NDST3: variants seen among roughly 807,000 people sequenced by gnomAD.
NDST3 encodes the protein N-deacetylase and N-sulfotransferase 3.
Under a neutral mutation model 96.1 loss-of-function variants are expected in NDST3, and 58 were observed. The ratio of observed to expected loss-of-function variants is 0.60; its 90% CI spans 0.49 to 0.75. NDST3 has a LOEUF of 0.75. NDST3 is among the 30% of genes least tolerant of loss of function. NDST3 has a pLI of 0.00. For missense variants in NDST3, 788 were observed against 1,034.2 expected (o/e 0.76, Z 3.27); for synonymous variants, 333 against 359.7 (o/e 0.93, Z 0.84).
At chr4:118,148,849 T>C (rs868054059) in intron 6 of NDST3, among the ~76,000 whole-genome samples, 15 of 152,298 alleles carry the variant, frequency 9.8e-5, no homozygotes, top group Admixed American at 3.3e-4. Context: ...GAAAAATAAA[T>C]AAATGATAAT....
intron 12 of NDST3, among the ~76,000 whole-genome samples, chr4:118,248,658 C>G (rs1741470318): frequency 3.9e-5 from 6 of 152,182 alleles, no homozygotes; most frequent in Admixed American, 3.9e-4. Context: ...GCCTGAAGGC[C>G]TTGAAAGGAG....
At chr4:118,201,804 T>C (rs909012906) in intron 6 of NDST3, among the ~76,000 whole-genome samples, 1 of 152,138 alleles carries the variant, frequency 6.6e-6, no homozygotes, top group African/African-American at 2.4e-5. Context: ...ATCCTTTTTG[T>C]CTTGTTGTTG....
At chr4:118,072,282 T>C (rs1727143495) in intron 2 of NDST3, among the ~76,000 whole-genome samples, 1 of 152,178 alleles carries the variant, frequency 6.6e-6, no homozygotes, top group Non-Finnish European at 1.5e-5. Context: ...ATTGATAGTT[T>C]GATAGAAATA....
chr4:118,248,367 A>AG (rs992363638), intron 12 of NDST3, among the ~76,000 whole-genome samples: 3 of 150,750 alleles, frequency 2.0e-5, no homozygotes, highest in African/African-American at 7.5e-5. Flanking sequence ...AAGAAAAAAA[A>AG]AAGTCACTGT....
At chr4:118,050,874 T>C (rs1486181210) in intron 1 of NDST3, among the ~76,000 whole-genome samples, 1 of 152,106 alleles carries the variant, frequency 6.6e-6, no homozygotes, top group Non-Finnish European at 1.5e-5. Context: ...AAAACTGTTC[T>C]AAAATTCACA....
chr4:118,035,706 T>C (rs994006630), intron 1 of NDST3, among the ~76,000 whole-genome samples: 1 of 151,988 alleles, frequency 6.6e-6, no homozygotes, highest in African/African-American at 2.4e-5. Context: ...CTTTTTTTTC[T>C]TTCTCTGGTT....
At chr4:118,160,573 G>A (rs899261055) in intron 6 of NDST3, among the ~76,000 whole-genome samples, 1 of 152,058 alleles carries the variant, frequency 6.6e-6, no homozygotes, top group Non-Finnish European at 1.5e-5. Context: ...AAAAAGCTCA[G>A]TATCACTGAT....
chr4:118,188,756 C>T (rs1292904113), intron 6 of NDST3, among the ~76,000 whole-genome samples: 1 of 152,058 alleles, frequency 6.6e-6, no homozygotes, highest in African/African-American at 2.4e-5. Context: ...AACCTATATC[C>T]AAGAGTGCTT....
intron 6 of NDST3, among the ~76,000 whole-genome samples, chr4:118,173,134 A>ATG (rs35139409): frequency 0.11 from 16,885 of 148,260 alleles, 2,444 homozygotes; most frequent in African/African-American, 0.35. Context: ...AGGCATATAT[A>ATG]TGTGTGTGTG....
At chr4:118,140,322 A>T (rs1016821588) in intron 5 of NDST3, among the ~76,000 whole-genome samples, 13 of 152,206 alleles carry the variant, frequency 8.5e-5, no homozygotes, top group Non-Finnish European at 2.9e-5. Flanking sequence ...ACCTACAGGG[A>T]TCTTATTCTC....
chr4:118,072,541 G>T (rs973117597), intron 2 of NDST3, among the ~76,000 whole-genome samples: 1 of 151,982 alleles, frequency 6.6e-6, no homozygotes, highest in Non-Finnish European at 1.5e-5. Flanking sequence ...GATGTTGTTG[G>T]TGTACAGAAA....
At chr4:118,111,160 T>C (rs982823549) in intron 3 of NDST3, among the ~76,000 whole-genome samples, 22 of 152,132 alleles carry the variant, frequency 1.4e-4, no homozygotes, top group Admixed American at 1.3e-3. Flanking sequence ...CACTGGGGAC[T>C]AATGGCAGAG....
Position 118,253,508 on chromosome 4 carries a change from T to C in NDST3, c.2409T>C (p.Ser803=), listed in dbSNP as rs1369970800. The change falls in exon 13 of 14, where the codon TCT becomes TCC. Residue 803 remains serine, a synonymous_variant. Coordinates refer to ENST00000296499, the MANE Select transcript of NDST3 (RefSeq NM_004784.3). ...YNYSEALTFD[S]HKGFWCQLLE... is the part of the protein sequence containing the mutation. ...TTCTTTTTTTTTTTAGGTTTGATTC[T>C]CATAAAGGTTTCTGGTGTCAGTTAC... 6.2e-7 allele frequency: 1 copy of C among 1,603,050 alleles called. No individual in the cohort carries two copies. The highest frequency in any genetic ancestry group is 8.5e-7 in the Non-Finnish European group (1 of 1,174,246).
intron 6 of NDST3, among the ~76,000 whole-genome samples, chr4:118,159,177 G>C (rs1734920161): frequency 6.6e-6 from 1 of 152,192 alleles, no homozygotes; most frequent in Admixed American, 6.5e-5. Context: ...GGTTGCCCGA[G>C]AAACTAGTTT....
chr4:118,101,890 C>T (rs917811009), intron 2 of NDST3, among the ~76,000 whole-genome samples: 1 of 151,932 alleles, frequency 6.6e-6, no homozygotes, highest in African/African-American at 2.4e-5. Context: ...TCATTTGATG[C>T]AATATTCTGC....
At chr4:118,225,620 A>T (rs1230407514) in intron 7 of NDST3, among the ~76,000 whole-genome samples, 1 of 152,216 alleles carries the variant, frequency 6.6e-6, no homozygotes, top group Non-Finnish European at 1.5e-5. Flanking sequence ...CTAGAGTTAC[A>T]GACAGAGCTG....
chr4:118,083,874 C>G (rs1490978848), intron 2 of NDST3, among the ~76,000 whole-genome samples: 2 of 152,068 alleles, frequency 1.3e-5, no homozygotes, highest in Non-Finnish European at 2.9e-5. Context: ...AATTTTTAAC[C>G]ATTCAGTCTT....
intron 6 of NDST3, among the ~76,000 whole-genome samples, chr4:118,162,605 T>C (rs1286781026): frequency 2.0e-5 from 3 of 150,788 alleles, no homozygotes; most frequent in Non-Finnish European, 4.5e-5. Context: ...CAATTCAAGA[T>C]GGATTAAAGA....
rs2125982234 is a variant in NDST3 at position 118,204,223 on chromosome 4, T to C, written c.1540-20268T>C. On this transcript the variant is annotated intron_variant, in intron 6 of 13. Coordinates refer to ENST00000296499, the MANE Select transcript of NDST3 (RefSeq NM_004784.3). ...TGGGCCCTGCAGGTACCTCGCTTGG[T>C]CACTTGATGCTCCTGGGGGTCACTG... Among the ~76,000 whole-genome samples, 3 of 152,106 alleles carry C rather than the reference T, an allele frequency of 2.0e-5. No individual in the cohort carries two copies. In the South Asian group the frequency reaches 6.2e-4, roughly 32 times the overall value.
Sources: gnomAD v4.1 joint callset for allele counts (sites outside exome capture counted in the v4.1 genomes callset) on GRCh38, gnomAD v4.1.1 for gene constraint, MANE v1.5 for transcripts, NCBI Gene and HGNC (gene_info 2026-07-23, HGNC 2026-07-21) for gene names.